Variants in BBS9 observed in about 807,000 individuals in gnomAD.
BBS9 encodes protein PTHB1.
Under a neutral mutation model 117.7 loss-of-function variants are expected in BBS9, and 89 were observed. The ratio of observed to expected loss-of-function variants is 0.76; its 90% CI spans 0.64 to 0.90. The LOEUF (loss-of-function observed/expected upper bound fraction) is 0.90. Ranked by LOEUF, BBS9 falls within the 40% of genes least tolerant of loss-of-function variation. The pLI is 0.00. For synonymous variants in BBS9, 379 were observed against 370.9 expected (o/e 1.02, Z -0.25); for missense variants, 982 against 1,042.2 (o/e 0.94, Z 0.80).
At chr7:33,610,747 G>C (rs745371006), downstream of BBS9, among the ~76,000 whole-genome samples, 2 of 152,016 alleles carry the variant, frequency 1.3e-5, no homozygotes, top group Non-Finnish European at 2.9e-5. Context: ...TCTTAAGTTT[G>C]CCAGTGTGAG....
chr7:33,298,931 C>T (rs572272538), intron 9 of BBS9, among the ~76,000 whole-genome samples: 1 of 152,280 alleles, frequency 6.6e-6, no homozygotes, highest in East Asian at 1.9e-4. Flanking sequence ...GTACCATGGC[C>T]AACCTGGGAG....
chr7:33,320,312 A>G (rs1811424615), intron 9 of BBS9, among the ~76,000 whole-genome samples: 1 of 152,132 alleles, frequency 6.6e-6, no homozygotes, highest in South Asian at 2.1e-4. Context: ...TTTAATTTTT[A>G]GCACCCACAA....
intron 7 of BBS9, among the ~76,000 whole-genome samples, chr7:33,267,093 G>T (rs1798959109): frequency 1.3e-5 from 2 of 152,174 alleles, no homozygotes; most frequent in Admixed American, 1.3e-4. Flanking sequence ...TTGGAATTCT[G>T]TTATTAGGTA....
intron 19 of BBS9, among the ~76,000 whole-genome samples, chr7:33,501,819 C>T (rs937474268): frequency 6.6e-6 from 1 of 152,202 alleles, no homozygotes; most frequent in Non-Finnish European, 1.5e-5. Flanking sequence ...TAAGTGAATG[C>T]TTTCACTGTG....
rs187862254 is a variant in BBS9, at chr7:33,437,925, C to G, written c.2115+49781C>G. On this transcript the variant is annotated intron_variant, in intron 19 of 22. Transcript: ENST00000242067. ...ACAGCTTTTGTACAGCTGTTTTGAACAGCTTTTGCAACTTTTTCAACATTT... is the reference window on the plus strand; with the variant it reads ...ACAGCTTTTGTACAGCTGTTTTGAAGAGCTTTTGCAACTTTTTCAACATTT... Among the ~76,000 whole-genome samples, 17 of 152,250 alleles carry G rather than the reference C, an allele frequency of 1.1e-4. No individual in the cohort carries two copies. In the East Asian group the frequency reaches 3.1e-3, roughly 28 times the overall value.
At chr7:33,136,104 C>G (rs1361574806) in intron 1 of BBS9, among the ~76,000 whole-genome samples, 2 of 151,918 alleles carry the variant, frequency 1.3e-5, no homozygotes, top group Non-Finnish European at 2.9e-5. Context: ...ATGTATTTTA[C>G]TCTTTTGGGT....
intron 19 of BBS9, among the ~76,000 whole-genome samples, chr7:33,425,235 T>C (rs1233592589): frequency 6.6e-6 from 1 of 152,218 alleles, no homozygotes; most frequent in Non-Finnish European, 1.5e-5. Flanking sequence ...ATTGTTAGTC[T>C]TTCTACTTAG....
At chr7:33,318,202 C>T (rs1027746388) in intron 9 of BBS9, among the ~76,000 whole-genome samples, 3 of 152,198 alleles carry the variant, frequency 2.0e-5, no homozygotes, top group African/African-American at 7.2e-5. Flanking sequence ...AATAATTTAA[C>T]CTTTTGTGAT....
chr7:33,553,843 G>A (rs765816005), intron 21 of BBS9, among the ~76,000 whole-genome samples: 7 of 152,148 alleles, frequency 4.6e-5, no homozygotes, highest in African/African-American at 9.6e-5. Flanking sequence ...GACAGGATTC[G>A]TACCCACAGG....
At chr7:33,369,232 A>C (rs1332391492) in intron 17 of BBS9, among the ~76,000 whole-genome samples, 1 of 152,180 alleles carries the variant, frequency 6.6e-6, no homozygotes. Flanking sequence ...AGTTATGCCA[A>C]CATTTCTTTG....
At chr7:33,467,011 TTC>T (rs576849835) in intron 19 of BBS9, among the ~76,000 whole-genome samples, 40 of 104,922 alleles carry the variant, frequency 3.8e-4, no homozygotes, top group East Asian at 2.7e-3. Context: ...CATTCATTCA[TTC>T]TCTCTCTCTC....
At chr7:33,557,896 A>G (rs1247851169) in intron 21 of BBS9, among the ~76,000 whole-genome samples, 1 of 152,162 alleles carries the variant, frequency 6.6e-6, no homozygotes, top group East Asian at 1.9e-4. Flanking sequence ...TCTTAGTGAG[A>G]GTCTATGTTG....
chr7:33,360,576 G>A (rs1228796845), intron 16 of BBS9, among the ~76,000 whole-genome samples: 20 of 148,962 alleles, frequency 1.3e-4, no homozygotes, highest in Non-Finnish European at 1.9e-4. Flanking sequence ...GTTGGAGTGC[G>A]GTGGCACAAT....
chr7:33,164,274 G>C (rs1397689865), intron 4 of BBS9, among the ~76,000 whole-genome samples: 1 of 152,192 alleles, frequency 6.6e-6, no homozygotes, highest in Non-Finnish European at 1.5e-5. Context: ...TTTTGAATAA[G>C]TGCGATGTGG....
At chr7:33,332,460 C>T (rs1410459237) in intron 9 of BBS9, among the ~76,000 whole-genome samples, 3 of 152,076 alleles carry the variant, frequency 2.0e-5, no homozygotes, top group Admixed American at 2.0e-4. Flanking sequence ...AGGTGGATCA[C>T]GAGGTCAGGA....
At chr7:33,130,432 C>T (rs1230658395) in intron 1 of BBS9, among the ~76,000 whole-genome samples, 1 of 152,138 alleles carries the variant, frequency 6.6e-6, no homozygotes, top group East Asian at 1.9e-4. Context: ...ACTTGGAGAC[C>T]ACAACAGTTT....
chr7:33,318,119 C>T (rs755243988), intron 9 of BBS9, among the ~76,000 whole-genome samples: 1 of 152,082 alleles, frequency 6.6e-6, no homozygotes, highest in Non-Finnish European at 1.5e-5. Context: ...ATAACAAAAG[C>T]AAAACCCCCT....
rs1176385958 is a variant in BBS9 at position 33,129,883 on chromosome 7, C to T, written c.-170C>T. The T allele has an allele frequency of 6.6e-6, 1 of 152,548 alleles. No individual in the cohort carries two copies. The highest frequency in any genetic ancestry group is 2.4e-5 in the African/African-American group (1 of 41,388). 9.4% of individuals were successfully genotyped at this position (152,548 alleles called of 1,614,324 possible). ...CGTGGAACAACTTTCAGCTGGAGGA[C>T]GAGAGGGAATAGTGAAGCTAAAGGT... On this transcript the variant is annotated 5_prime_UTR_variant, in exon 1 of 23. The change creates a new upstream start codon in the 5' untranslated region. Coordinates refer to ENST00000242067, the MANE Select transcript of BBS9 (RefSeq NM_198428.3).
chr7:33,625,318 A>G (rs1371997956), intron 21 of BBS9, among the ~76,000 whole-genome samples: 1 of 152,104 alleles, frequency 6.6e-6, no homozygotes, highest in Non-Finnish European at 1.5e-5. Flanking sequence ...TTGTGTTCCT[A>G]CTATGTTCCA....
Sources: gnomAD v4.1 joint callset for allele counts (sites outside exome capture counted in the v4.1 genomes callset) on GRCh38, gnomAD v4.1.1 for gene constraint, MANE v1.5 for transcripts, NCBI Gene and HGNC (gene_info 2026-07-23, HGNC 2026-07-21) for gene names.